MBD2: variants seen among roughly 807,000 people sequenced by gnomAD.
MBD2 encodes methyl-CpG-binding domain protein 2.
In MBD2, 9 loss-of-function variants were observed where a neutral mutation model predicts 39.3. The ratio of observed to expected loss-of-function variants is 0.23; its 90% confidence interval spans 0.14 to 0.40. The LOEUF is 0.40. MBD2 is among the 10% of genes least tolerant of loss of function. The pLI, the probability that MBD2 is intolerant of heterozygous loss-of-function variation, is 1.00. For missense variants in MBD2, 458 were observed against 532.6 expected (o/e 0.86, Z 1.38); for synonymous variants, 233 against 211.1 (o/e 1.10, Z -0.90).
chr18:54,170,839 T>C (rs1446358909), intron 3 of MBD2, among the ~76,000 whole-genome samples: 1 of 152,176 alleles, frequency 6.6e-6, no homozygotes, highest in Non-Finnish European at 1.5e-5. Flanking sequence ...AAGAATTCTA[T>C]AAGCATGTAG....
chr18:54,197,162 TC>T (rs2086373184), intron 2 of MBD2, among the ~76,000 whole-genome samples: 1 of 152,214 alleles, frequency 6.6e-6, no homozygotes, highest in South Asian at 2.1e-4. Flanking sequence ...ACCAGCACTG[TC>T]CAAGTCATCA....
At chr18:54,218,406 G>A (rs530343376) in intron 1 of MBD2, among the ~76,000 whole-genome samples, 1 of 152,162 alleles carries the variant, frequency 6.6e-6, no homozygotes, top group Non-Finnish European at 1.5e-5. Flanking sequence ...AAGTGTAATA[G>A]TAAATAATCA....
At position 54,154,439 on chromosome 18, in the gene MBD2, C is replaced by G. The variant is rs562241737; in HGVS notation, c.*885G>C. On this transcript the variant is annotated 3_prime_UTR_variant, in exon 7 of 7. Transcript: ENST00000256429. ...AGAGTCTGACCTGCACCTGATAACT[C>G]AGTAAGCTAGTGGACGTTAGAGAGT... The G allele has an allele frequency of 3.9e-5, 6 of 152,260 alleles. No homozygotes were observed. The highest frequency in any genetic ancestry group is 1.4e-4 in the African/African-American group (6 of 41,554). The allele number at this position is 152,260 out of a possible 1,614,324, so 9.4% of individuals were successfully genotyped here.
At chr18:54,219,753 T>C (rs2086594515) in intron 1 of MBD2, among the ~76,000 whole-genome samples, 1 of 152,212 alleles carries the variant, frequency 6.6e-6, no homozygotes, top group African/African-American at 2.4e-5. Context: ...TCAGAATTCA[T>C]GCTCTTGAAG....
intron 2 of MBD2, among the ~76,000 whole-genome samples, chr18:54,197,560 A>T (rs2086375917): frequency 6.6e-6 from 1 of 152,158 alleles, no homozygotes; most frequent in Non-Finnish European, 1.5e-5. Flanking sequence ...TTATTTCCCT[A>T]AAGTGACCTC....
At chr18:54,174,935 A>G (rs1348053099) in intron 3 of MBD2, among the ~76,000 whole-genome samples, 1 of 152,220 alleles carries the variant, frequency 6.6e-6, no homozygotes, top group Non-Finnish European at 1.5e-5. Context: ...TAAGTGTTCA[A>G]ATGTAGGTAC....
intron 3 of MBD2, among the ~76,000 whole-genome samples, chr18:54,170,355 G>A (rs2086171387): frequency 6.6e-6 from 1 of 152,090 alleles, no homozygotes; most frequent in Admixed American, 6.6e-5. Flanking sequence ...GGACTTTGAG[G>A]GATTTGTTCA....
Position 54,152,726 on chromosome 18 carries a change from T to C in MBD2, c.*2598A>G, listed in dbSNP as rs966846162. The C allele has an allele frequency of 6.6e-6, 1 of 152,204 alleles. No homozygotes were observed. The highest frequency in any genetic ancestry group is 2.4e-5 in the African/African-American group (1 of 41,456). 9.4% of individuals were successfully genotyped at this position (152,204 alleles called of 1,614,324 possible). The stretch of plus-strand genomic sequence containing the variant: ...CTCACACCTGCAGGGATAGCGACAA[T>C]AGTGTGCTCCAATGTGAGCACCCAC... On this transcript the variant is annotated 3_prime_UTR_variant, in exon 7 of 7. Transcript: ENST00000256429.
At chr18:54,160,214 A>G (rs552547104) in intron 5 of MBD2, 1 of 242,272 alleles carries the variant, frequency 4.1e-6, no homozygotes, top group African/African-American at 2.2e-5. Flanking sequence ...GTTTATTCCT[A>G]TAAGGACAAT....
intron 2 of MBD2, among the ~76,000 whole-genome samples, chr18:54,200,694 C>T (rs2610528): frequency 5.3e-5 from 8 of 151,642 alleles, no homozygotes; most frequent in African/African-American, 1.9e-4. Flanking sequence ...CATATTGAGG[C>T]GCAAAGCTTA....
intron 2 of MBD2, among the ~76,000 whole-genome samples, chr18:54,194,221 G>T (rs2086346010): frequency 2.5e-5 from 1 of 39,996 alleles, no homozygotes; most frequent in Admixed American, 1.9e-4. Flanking sequence ...GAATTTAAAT[G>T]CTAATATTTA....
intron 3 of MBD2, among the ~76,000 whole-genome samples, chr18:54,188,312 T>A (rs2086297820): frequency 6.6e-6 from 1 of 152,122 alleles, no homozygotes; most frequent in Admixed American, 6.5e-5. Flanking sequence ...GCTTTTTTTC[T>A]AAGAAAAGAT....
chr18:54,186,662 T>A (rs2086288790), intron 3 of MBD2, among the ~76,000 whole-genome samples: 1 of 152,130 alleles, frequency 6.6e-6, no homozygotes, highest in South Asian at 2.1e-4. Context: ...CTTACATTGA[T>A]GATAAAGAAA....
intron 2 of MBD2, among the ~76,000 whole-genome samples, chr18:54,190,528 G>A (rs1015404269): frequency 1.3e-5 from 2 of 152,140 alleles, no homozygotes; most frequent in Non-Finnish European, 2.9e-5. Context: ...GGAATCAGTG[G>A]GTGAATAATA....
At chr18:54,181,042 C>T (rs947554185) in intron 3 of MBD2, among the ~76,000 whole-genome samples, 2 of 151,546 alleles carry the variant, frequency 1.3e-5, no homozygotes, top group Admixed American at 6.6e-5. Context: ...TACAGGCACG[C>T]GCCACCATGC....
intron 1 of MBD2, among the ~76,000 whole-genome samples, chr18:54,221,786 T>C (rs563876361): frequency 1.3e-5 from 2 of 152,182 alleles, no homozygotes; most frequent in African/African-American, 4.8e-5. Flanking sequence ...ATAAAATAAA[T>C]TTAACATCAG....
chr18:54,220,138 C>G (rs997879048), intron 1 of MBD2, among the ~76,000 whole-genome samples: 1 of 152,006 alleles, frequency 6.6e-6, no homozygotes, highest in Non-Finnish European at 1.5e-5. Context: ...GAGGGGGCTA[C>G]TAAAAGACTA....
rs374148424 is a variant in MBD2, at chr18:54,162,902, A to AT, written c.1109+1620dup. Among the ~76,000 whole-genome samples, 446 of 152,332 alleles carry AT rather than the reference A, an allele frequency of 2.9e-3. 2 individuals are homozygous for AT. The highest frequency in any genetic ancestry group is 0.01 in the African/African-American group (420 of 41,578). ...TTTAAGACCCAAGAAGGGCTTTCCC[A>AT]TTATAAACCTAGCTAGACTTACCCA... On this transcript the variant is annotated intron_variant, in intron 5 of 6. Transcript: ENST00000256429.
intron 5 of MBD2, among the ~76,000 whole-genome samples, chr18:54,160,372 T>C (rs1451726346): frequency 6.6e-6 from 1 of 152,132 alleles, no homozygotes; most frequent in Admixed American, 6.5e-5. Flanking sequence ...CTAGGTTAGT[T>C]AGGAGAGAGC....
Sources: allele counts gnomAD v4.1 joint callset (sites outside exome capture counted in the v4.1 genomes callset), GRCh38; gene constraint gnomAD v4.1.1; transcripts MANE v1.5; gene names NCBI Gene and HGNC (gene_info 2026-07-23, HGNC 2026-07-21).